Variants in STK3 observed in about 807,000 individuals in gnomAD.
The protein encoded by STK3 is serine/threonine kinase 3.
Under a neutral mutation model 58.0 loss-of-function variants are expected in STK3, and 41 were observed. That is an observed-to-expected ratio of 0.71 (90% confidence interval 0.55 to 0.92). STK3 has a LOEUF of 0.92. STK3 is among the 40% of genes least tolerant of loss of function. STK3 has a pLI of 0.00. For synonymous variants in STK3, 170 were observed against 191.0 expected, an observed-to-expected ratio of 0.89 and a Z score of 0.91; for missense variants, 479 against 602.7, an observed-to-expected ratio of 0.79 and a Z score of 2.15.
At chr8:98,725,600 T>C (rs1353796610) in intron 4 of STK3, among the ~76,000 whole-genome samples, 1 of 152,192 alleles carries the variant, frequency 6.6e-6, no homozygotes, top group Non-Finnish European at 1.5e-5. Context: ...TATATATTTC[T>C]TGATTTCCTA....
At chr8:98,807,430 G>C (rs1329480052) in intron 1 of STK3, among the ~76,000 whole-genome samples, 1 of 151,978 alleles carries the variant, frequency 6.6e-6, no homozygotes, top group Non-Finnish European at 1.5e-5. Context: ...TTAATTTTTT[G>C]TATTTTTAGT....
At chr8:98,891,904 C>T (rs1385462009) in intron 1 of STK3, among the ~76,000 whole-genome samples, 1 of 152,130 alleles carries the variant, frequency 6.6e-6, no homozygotes, top group East Asian at 1.9e-4. Context: ...TGGTCCTTCA[C>T]TAGACTCTGA....
intron 9 of STK3, among the ~76,000 whole-genome samples, chr8:98,544,629 T>C (rs1810547172): frequency 6.7e-6 from 1 of 148,280 alleles, no homozygotes; most frequent in African/African-American, 2.5e-5. Flanking sequence ...TCCAGAGCTA[T>C]GTATCTTTAA....
chr8:98,571,694 G>A (rs1263196257), intron 8 of STK3, among the ~76,000 whole-genome samples: 2 of 152,158 alleles, frequency 1.3e-5, no homozygotes, highest in Non-Finnish European at 2.9e-5. Flanking sequence ...TCATTAATAA[G>A]TTAATATGAA....
chr8:98,856,811 A>G (rs766632521), intron 3 of STK3, among the ~76,000 whole-genome samples: 2 of 152,246 alleles, frequency 1.3e-5, no homozygotes, highest in Non-Finnish European at 2.9e-5. Context: ...CCCAATGTCC[A>G]TCAACTAATG....
intron 6 of STK3, chr8:98,633,427 G>C: frequency 2.0e-6 from 1 of 494,606 alleles, no homozygotes; most frequent in Non-Finnish European, 3.7e-6. Flanking sequence ...TTACTTTAGA[G>C]AGGAGATTGA....
rs1460591732 is a variant in STK3 at position 98,454,824 on chromosome 8, C to T, written c.*1018G>A. ...TGGTTTTAATCTTTTTTTTTTCAGT[C>T]CCCAAGGCTTGTACCACTCAGTACA... On this transcript the variant is annotated 3_prime_UTR_variant, in exon 11 of 11. Transcript: ENST00000419617. The T allele has an allele frequency of 2.6e-5, 4 of 151,690 alleles. No individual in the cohort carries two copies. Among genetic ancestry groups the T allele is most frequent in the African/African-American group, 7.3e-5 (3 of 41,214 alleles). 9.4% of individuals were successfully genotyped at this position (151,690 alleles called of 1,614,324 possible). A position where few individuals can be genotyped will look rare whatever the true frequency, so the allele number is the denominator to read the frequency against.
chr8:98,705,979 A>T (rs891974210), intron 6 of STK3, among the ~76,000 whole-genome samples: 8 of 152,162 alleles, frequency 5.3e-5, no homozygotes, highest in Non-Finnish European at 1.2e-4. Context: ...AATTAGCCGA[A>T]TTCCTTTATA....
chr8:98,556,591 T>C (rs926413289), intron 8 of STK3, among the ~76,000 whole-genome samples: 7 of 151,680 alleles, frequency 4.6e-5, no homozygotes, highest in African/African-American at 1.5e-4. Flanking sequence ...ATGAGTAAGT[T>C]TGATTGAATT....
intron 10 of STK3, among the ~76,000 whole-genome samples, chr8:98,469,597 C>T (rs930951859): frequency 3.3e-5 from 5 of 152,054 alleles, no homozygotes; most frequent in African/African-American, 7.2e-5. Flanking sequence ...ACTGGGAAGC[C>T]GGGAGACTGT....
chr8:98,516,897 C>T (rs1824970722), intron 10 of STK3, among the ~76,000 whole-genome samples: 1 of 151,970 alleles, frequency 6.6e-6, no homozygotes, highest in African/African-American at 2.4e-5. Context: ...GTTTCATTTG[C>T]ATTCTCAAAT....
chr8:98,878,411 C>T (rs6996152), intron 3 of STK3, among the ~76,000 whole-genome samples: 1 of 152,180 alleles, frequency 6.6e-6, no homozygotes, highest in East Asian at 1.9e-4. Context: ...CATAAAGCAA[C>T]CTTTTTGGAT....
At chr8:98,579,555 CAT>C in intron 8 of STK3, 107 bp downstream of exon 8, 2 of 1,314,196 alleles carry the variant, frequency 1.5e-6, no homozygotes, top group Admixed American at 2.6e-5. Context: ...AATGAAAAAA[CAT>C]ATCTTACTTG....
chr8:98,445,690 C>T (rs1818912347), intron 1 of STK3, among the ~76,000 whole-genome samples: 2 of 152,250 alleles, frequency 1.3e-5, no homozygotes, highest in Middle Eastern at 3.4e-3. Flanking sequence ...GCTTTTCACT[C>T]GGAGCATGCA....
chr8:98,488,215 C>A (rs1242517805), intron 10 of STK3, among the ~76,000 whole-genome samples: 1 of 152,166 alleles, frequency 6.6e-6, no homozygotes, highest in Non-Finnish European at 1.5e-5. Context: ...AATGGTGAAG[C>A]ATGGCTTCAT....
Position 98,811,874 on chromosome 8 carries a change from G to C in STK3, c.26+13641C>G, listed in dbSNP as rs765924681. Among the ~76,000 whole-genome samples the C allele has an allele frequency of 1.2e-4, 19 of 152,354 alleles. No homozygotes were observed. In the East Asian group the frequency reaches 3.7e-3, roughly 29 times the overall value. On this transcript the variant is annotated intron_variant, in intron 1 of 10. Transcript: ENST00000419617. ...GTCTTGGTCTGTCACCCAGGCTGGAGTGCAGTGGCACTGCAGCCTCCGCCT... is the reference window on the plus strand; with the variant it reads ...GTCTTGGTCTGTCACCCAGGCTGGACTGCAGTGGCACTGCAGCCTCCGCCT...
chr8:98,747,821 G>T (rs1015963812), intron 4 of STK3, among the ~76,000 whole-genome samples: 30 of 152,120 alleles, frequency 2.0e-4, no homozygotes, highest in African/African-American at 7.2e-4. Context: ...AGAACCCAGG[G>T]TACCTGTTGT....
chr8:98,575,326 C>A (rs1403531949), intron 8 of STK3, among the ~76,000 whole-genome samples: 1 of 148,572 alleles, frequency 6.7e-6, no homozygotes, highest in Non-Finnish European at 1.5e-5. Flanking sequence ...TGAGTGCAGG[C>A]CAGACCTAGT....
At chr8:98,444,472 G>A (rs924204834) in intron 1 of STK3, among the ~76,000 whole-genome samples, 2 of 152,202 alleles carry the variant, frequency 1.3e-5, no homozygotes, top group African/African-American at 4.8e-5. Flanking sequence ...GCCCAGTTAA[G>A]GGGCTGCTGT....
Sources: allele counts gnomAD v4.1 joint callset (sites outside exome capture counted in the v4.1 genomes callset), GRCh38; gene constraint gnomAD v4.1.1; transcripts MANE v1.5; gene names NCBI Gene and HGNC (gene_info 2026-07-23, HGNC 2026-07-21).